Variants in NEDD4 observed in about 807,000 individuals in gnomAD.
NEDD4 encodes the protein E3 ubiquitin-protein ligase NEDD4.
NEDD4 carries 99 observed loss-of-function variants against 144.9 expected under a neutral mutation model. The ratio of observed to expected loss-of-function variants is 0.68; its 90% CI spans 0.58 to 0.81. The LOEUF (loss-of-function observed/expected upper bound fraction) is 0.81, where lower values mean the gene tolerates loss of function less well. NEDD4 is among the 30% of genes least tolerant of loss of function. The probability of loss-of-function intolerance (pLI) is 0.00; values close to 1 mark genes in which losing one functional copy is unlikely to be tolerated. For missense variants in NEDD4, 985 were observed against 1,065.9 expected, an observed-to-expected ratio of 0.92 and a Z score of 1.06; for synonymous variants, 318 against 350.6, an observed-to-expected ratio of 0.91 and a Z score of 1.04.
Position 55,949,642 on chromosome 15 carries a change from T to C in NEDD4, c.237+1734A>G, listed in dbSNP as rs376856302. Among the ~76,000 whole-genome samples the C allele has an allele frequency of 7.2e-5, 11 of 152,184 alleles. No individual in the cohort carries two copies. In the East Asian group the frequency reaches 7.7e-4, roughly 11 times the overall value. ...AGCCATACAAAAGGATGAGTTCATG[T>C]CTTTTGTAGGGACATGGATGAAGCT... On this transcript the variant is annotated intron_variant, in intron 4 of 28. Coordinates refer to ENST00000435532, the MANE Select transcript of NEDD4 (RefSeq NM_006154.4).
At chr15:55,946,894 C>T (rs1158997874) in intron 4 of NEDD4, among the ~76,000 whole-genome samples, 1 of 152,214 alleles carries the variant, frequency 6.6e-6, no homozygotes, top group Admixed American at 6.5e-5. Context: ...GAACAACCTG[C>T]TCCTGAATGA....
chr15:55,849,084 G>T (rs1483887237), intron 14 of NEDD4, among the ~76,000 whole-genome samples, 198 bp from the exon 15 acceptor site: 1 of 152,064 alleles, frequency 6.6e-6, no homozygotes, highest in Non-Finnish European at 1.5e-5. Flanking sequence ...AATATCAAAA[G>T]GAATAACGAT....
intron 23 of NEDD4, 42 bp downstream of exon 23, chr15:55,838,065 C>T: frequency 8.0e-7 from 1 of 1,245,574 alleles, no homozygotes; most frequent in South Asian, 1.4e-5. Flanking sequence ...GAATAAAGTA[C>T]AAAATTATAT....
chr15:55,970,136 C>A (rs1245326721), intron 1 of NEDD4, among the ~76,000 whole-genome samples: 1 of 152,072 alleles, frequency 6.6e-6, no homozygotes, highest in African/African-American at 2.4e-5. Flanking sequence ...ATAGTAGCCA[C>A]AGGTCTGGGG....
chr15:55,917,360 G>A (rs1411388142), intron 5 of NEDD4, among the ~76,000 whole-genome samples: 1 of 152,076 alleles, frequency 6.6e-6, no homozygotes, highest in Non-Finnish European at 1.5e-5. Flanking sequence ...CAGGAAGTTG[G>A]TAGGAACAAA....
At chr15:55,913,690 A>G (rs1424643094) in intron 5 of NEDD4, among the ~76,000 whole-genome samples, 3 of 152,064 alleles carry the variant, frequency 2.0e-5, no homozygotes, top group Non-Finnish European at 4.4e-5. Context: ...AACCAGTAAC[A>G]GTGGATATTT....
chr15:55,981,410 C>A (rs955184772), intron 1 of NEDD4, among the ~76,000 whole-genome samples: 1 of 152,048 alleles, frequency 6.6e-6, no homozygotes, highest in Non-Finnish European at 1.5e-5. Context: ...CTTACGGTGA[C>A]CGTATTTTCC....
chr15:55,974,891 CTTTTTTT>C (rs56285555), intron 1 of NEDD4, among the ~76,000 whole-genome samples: 3 of 75,698 alleles, frequency 4.0e-5, no homozygotes, highest in South Asian at 5.6e-4. Context: ...CTTTTCCTTT[CTTTTTTT>C]TTTTTTTTTT....
chr15:55,904,313 A>AT (rs1387900207), intron 5 of NEDD4, among the ~76,000 whole-genome samples: 23 of 151,306 alleles, frequency 1.5e-4, no homozygotes, highest in Middle Eastern at 3.2e-3. Context: ...ATTTTATTTC[A>AT]TTTTTTTGAG....
At chr15:55,949,208 C>T (rs1194059145) in intron 4 of NEDD4, among the ~76,000 whole-genome samples, 17 of 152,316 alleles carry the variant, frequency 1.1e-4, no homozygotes, top group African/African-American at 3.1e-4. Context: ...AAATGCTCAT[C>T]ATCACTGGCC....
chr15:55,928,433 C>A (rs1156677965), intron 4 of NEDD4, among the ~76,000 whole-genome samples: 1 of 152,196 alleles, frequency 6.6e-6, no homozygotes, highest in Non-Finnish European at 1.5e-5. Flanking sequence ...ATCCAAAAGC[C>A]TGAGTATGGA....
rs115491562 is a variant in NEDD4 at position 55,929,617 on chromosome 15, T to G, written c.238-4918A>C. On this transcript the variant is annotated intron_variant, in intron 4 of 28. Transcript: ENST00000435532. The stretch of plus-strand genomic sequence containing the variant: ...TTTCTGTTCCTGTAAGCATCAGTTT[T>G]AATATATAAAATATAAATGGTAACT... 7.8e-3 allele frequency among the ~76,000 whole-genome samples: 1,190 copies of G among 152,264 alleles called. 16 individuals carry two copies. Among genetic ancestry groups the G allele is most frequent in the African/African-American group, 0.027 (1,137 of 41,566 alleles).
At chr15:55,836,982 G>C (rs1018832749) in intron 24 of NEDD4, among the ~76,000 whole-genome samples, 1 of 152,132 alleles carries the variant, frequency 6.6e-6, no homozygotes, top group Non-Finnish European at 1.5e-5. Context: ...ACAGAAGATT[G>C]TAAGTTAGCT....
At chr15:55,944,095 A>G (rs1031238461) in intron 4 of NEDD4, among the ~76,000 whole-genome samples, 2 of 152,304 alleles carry the variant, frequency 1.3e-5, no homozygotes, top group African/African-American at 4.8e-5. Flanking sequence ...TGATTTCTAC[A>G]TTTCCACCTG....
chr15:55,865,477 G>A (rs573788045), intron 8 of NEDD4, among the ~76,000 whole-genome samples: 1 of 151,926 alleles, frequency 6.6e-6, no homozygotes, highest in East Asian at 1.9e-4. Flanking sequence ...AACCTTGAAG[G>A]CATGAAAGAG....
chr15:55,892,617 T>C (rs1171458447), intron 5 of NEDD4, among the ~76,000 whole-genome samples: 1 of 151,158 alleles, frequency 6.6e-6, no homozygotes, highest in Admixed American at 6.6e-5. Context: ...ATACACCGAG[T>C]ACAAAATCAA....
intron 8 of NEDD4, among the ~76,000 whole-genome samples, chr15:55,867,080 T>A (rs527920461): frequency 6.6e-6 from 1 of 152,306 alleles, no homozygotes; most frequent in East Asian, 1.9e-4. Context: ...GGTACAAAAA[T>A]CAAATGTTAC....
chr15:55,906,463 T>C (rs1414144049), intron 5 of NEDD4, among the ~76,000 whole-genome samples: 1 of 152,148 alleles, frequency 6.6e-6, no homozygotes, highest in South Asian at 2.1e-4. Flanking sequence ...TAAAAAATGA[T>C]GAGTTCATGT....
At chr15:55,959,335 A>G (rs1270392708) in intron 2 of NEDD4, among the ~76,000 whole-genome samples, 3 of 152,282 alleles carry the variant, frequency 2.0e-5, no homozygotes, top group East Asian at 3.9e-4. Flanking sequence ...TTGGTTTCCA[A>G]TTGAATTCCA....
Sources: allele counts gnomAD v4.1 joint callset (sites outside exome capture counted in the v4.1 genomes callset), GRCh38; gene constraint gnomAD v4.1.1; transcripts MANE v1.5; gene names NCBI Gene and HGNC (gene_info 2026-07-23, HGNC 2026-07-21).